CORIN: variants seen among roughly 807,000 people sequenced by gnomAD.
The protein encoded by CORIN is atrial natriuretic peptide-converting enzyme.
In CORIN, 117 loss-of-function variants were observed where a neutral mutation model predicts 125.3. The ratio of observed to expected loss-of-function variants is 0.93; its 90% CI spans 0.80 to 1.09. The LOEUF is 1.09. Among genes scored for constraint, CORIN ranks in the 50% least tolerant of loss-of-function variants. The pLI, the probability that CORIN is intolerant of heterozygous loss-of-function variation, is 0.00. For missense variants in CORIN, 1,253 were observed against 1,306.7 expected, an observed-to-expected ratio of 0.96 and a Z score of 0.63; for synonymous variants, 450 against 466.4, an observed-to-expected ratio of 0.96 and a Z score of 0.45.
chr4:47,773,529 G>T (rs1228119142), intron 3 of CORIN, among the ~76,000 whole-genome samples: 2 of 152,114 alleles, frequency 1.3e-5, no homozygotes, highest in East Asian at 1.9e-4. Context: ...TTTAAATAAC[G>T]CTCTCTAATT....
At chr4:47,621,069 T>C (rs1177723200) in intron 19 of CORIN, among the ~76,000 whole-genome samples, 1 of 152,214 alleles carries the variant, frequency 6.6e-6, no homozygotes, top group South Asian at 2.1e-4. Flanking sequence ...AAAGTAAAAT[T>C]ACTAAAAATA....
At chr4:47,766,242 C>A (rs189869192) in intron 3 of CORIN, among the ~76,000 whole-genome samples, 6 of 152,308 alleles carry the variant, frequency 3.9e-5, no homozygotes, top group Admixed American at 3.9e-4. Context: ...AACAAAATTT[C>A]TCTGCCCCAT....
chr4:47,704,801 G>T (rs1023440044), intron 5 of CORIN, among the ~76,000 whole-genome samples: 8 of 152,162 alleles, frequency 5.3e-5, no homozygotes, highest in African/African-American at 1.9e-4. Flanking sequence ...GGGAGGAGGG[G>T]CTGAACTCAG....
chr4:47,826,728 G>C (rs1038194052), intron 1 of CORIN, among the ~76,000 whole-genome samples: 4 of 152,096 alleles, frequency 2.6e-5, no homozygotes, highest in African/African-American at 9.7e-5. Context: ...TTTTGACATA[G>C]AAAATAATAT....
At chr4:47,667,615 C>T (rs907483580) in intron 10 of CORIN, among the ~76,000 whole-genome samples, 14 of 151,744 alleles carry the variant, frequency 9.2e-5, no homozygotes, top group East Asian at 7.7e-4. Flanking sequence ...TGAAAGAATC[C>T]GAGGATATCA....
At chr4:47,690,027 C>A (rs895955859) in intron 6 of CORIN, among the ~76,000 whole-genome samples, 1 of 152,130 alleles carries the variant, frequency 6.6e-6, no homozygotes, top group African/African-American at 2.4e-5. Flanking sequence ...GTTTGGAAAT[C>A]TTTTCATCCA....
At chr4:47,816,349 T>C (rs1577947991) in intron 1 of CORIN, among the ~76,000 whole-genome samples, 1 of 152,272 alleles carries the variant, frequency 6.6e-6, no homozygotes, top group Non-Finnish European at 1.5e-5. Flanking sequence ...AGTTGAAAAA[T>C]GAGAAATTCT....
intron 19 of CORIN, among the ~76,000 whole-genome samples, chr4:47,604,061 A>G (rs1329495197): frequency 3.3e-5 from 5 of 152,236 alleles, no homozygotes; most frequent in African/African-American, 1.2e-4. Context: ...AGTGACTTGA[A>G]GAAATGCCAG....
chr4:47,731,032 G>A (rs923305500), intron 5 of CORIN, among the ~76,000 whole-genome samples: 11 of 152,174 alleles, frequency 7.2e-5, no homozygotes, highest in African/African-American at 1.4e-4. Flanking sequence ...GTTGGATCAC[G>A]CATACATTTT....
intron 20 of CORIN, among the ~76,000 whole-genome samples, chr4:47,602,508 C>A (rs1208116351): frequency 1.3e-5 from 2 of 152,044 alleles, no homozygotes; most frequent in Non-Finnish European, 2.9e-5. Flanking sequence ...TTGATAAGAC[C>A]AAATCACAAC....
chr4:47,798,497 G>C (rs1049363814), intron 2 of CORIN, among the ~76,000 whole-genome samples: 1 of 151,984 alleles, frequency 6.6e-6, no homozygotes, highest in Non-Finnish European at 1.5e-5. Flanking sequence ...AAACCAAACA[G>C]AGCATTTTTT....
At chr4:47,706,658 C>A (rs968391380) in intron 5 of CORIN, 2 of 1,610,266 alleles carry the variant, frequency 1.2e-6, no homozygotes, top group African/African-American at 1.3e-5. Flanking sequence ...AAATTTTGCT[C>A]GAAGCCTTCA....
At chr4:47,787,455 A>T (rs1271443036) in intron 2 of CORIN, among the ~76,000 whole-genome samples, 3 of 151,996 alleles carry the variant, frequency 2.0e-5, no homozygotes, top group Admixed American at 6.6e-5. Flanking sequence ...ACTATGCATC[A>T]CACACAAATA....
intron 17 of CORIN, among the ~76,000 whole-genome samples, chr4:47,624,280 G>A (rs1325838844): frequency 6.6e-6 from 1 of 152,072 alleles, no homozygotes; most frequent in Non-Finnish European, 1.5e-5. Flanking sequence ...ATTTTGGCTG[G>A]TGGAACCACC....
intron 5 of CORIN, among the ~76,000 whole-genome samples, chr4:47,693,775 A>G (rs1399838472): frequency 1.3e-5 from 2 of 152,218 alleles, no homozygotes; most frequent in Non-Finnish European, 2.9e-5. Context: ...TCAAAATGCA[A>G]TAAGTATTCC....
intron 10 of CORIN, 39 bp from the exon 11 acceptor site, chr4:47,665,302 A>T (rs369757094): frequency 4.2e-6 from 6 of 1,434,556 alleles, no homozygotes; most frequent in Non-Finnish European, 4.8e-6. Flanking sequence ...TTTAAATTTC[A>T]CATATAAAAA....
At chr4:47,733,242 A>G (rs1358140607) in intron 5 of CORIN, among the ~76,000 whole-genome samples, 1 of 152,226 alleles carries the variant, frequency 6.6e-6, no homozygotes, top group Non-Finnish European at 1.5e-5. Context: ...TTGGAGCAAT[A>G]GAGGTTTAAA....
chr4:47,727,259 C>T (rs1469624180), intron 5 of CORIN, among the ~76,000 whole-genome samples: 1 of 151,988 alleles, frequency 6.6e-6, no homozygotes, highest in Non-Finnish European at 1.5e-5. Flanking sequence ...TCTTTCTATG[C>T]CCATGTGTTT....
intron 5 of CORIN, among the ~76,000 whole-genome samples, chr4:47,740,091 A>C (rs1226611619): frequency 6.6e-6 from 1 of 152,012 alleles, no homozygotes; most frequent in South Asian, 2.1e-4. Context: ...GTGTAAATGA[A>C]TTAAACACTA....
Sources: gnomAD v4.1 joint callset for allele counts (sites outside exome capture counted in the v4.1 genomes callset) on GRCh38, gnomAD v4.1.1 for gene constraint, MANE v1.5 for transcripts, NCBI Gene and HGNC (gene_info 2026-07-23, HGNC 2026-07-21) for gene names.